The following KPNA3 variants were observed in gnomAD, a reference collection of about 807,000 sequenced individuals.
KPNA3 encodes karyopherin subunit alpha 3.
KPNA3 carries 13 observed loss-of-function variants against 73.8 expected under a neutral mutation model. The ratio of observed to expected loss-of-function variants is 0.18; its 90% CI spans 0.11 to 0.28. The LOEUF is 0.28. KPNA3 is among the 10% of genes least tolerant of loss of function. KPNA3 has a pLI of 1.00. For missense variants in KPNA3, 360 were observed against 618.1 expected, an observed-to-expected ratio of 0.58 and a Z score of 4.43; for synonymous variants, 186 against 206.9, an observed-to-expected ratio of 0.90 and a Z score of 0.87.
chr13:49,751,568 A>C (rs1422270633), intron 1 of KPNA3, among the ~76,000 whole-genome samples: 1 of 152,154 alleles, frequency 6.6e-6, no homozygotes, highest in Non-Finnish European at 1.5e-5. Context: ...CCCCTGCCCC[A>C]CACAAAAAAT....
chr13:49,705,639 T>C lies in KPNA3; in HGVS notation c.1354A>G (p.Ile452Val), dbSNP rs553205303. Residue 452 changes from isoleucine (I) to valine (V), a missense_variant, in exon 15 of 17, where the codon ATA becomes GTA. Ile to Val is a conservative substitution (Grantham distance 29, BLOSUM62 3). Coordinates refer to ENST00000261667, the MANE Select transcript of KPNA3 (RefSeq NM_002267.4). The stretch of plus-strand genomic sequence containing the variant: ...CTCTTACCTCCACATTCCTCTATTA[T>C]TTCAGCTATTGTGCTTGCTTCATCA... ...AGDEASTIAEIIEECGGLEKI... is the reference protein window; with the variant it reads ...AGDEASTIAEVIEECGGLEKI... The C allele has an allele frequency of 2.5e-6, 4 of 1,614,062 alleles. No homozygotes were observed. The South Asian group carries it at 4.4e-5, about 18-fold the overall frequency.
At chr13:49,787,655 A>G (rs1293257265) in intron 1 of KPNA3, among the ~76,000 whole-genome samples, 1 of 149,028 alleles carries the variant, frequency 6.7e-6, no homozygotes, top group Admixed American at 6.7e-5. Flanking sequence ...TACAGGCATG[A>G]GCCACCAGGA....
intron 2 of KPNA3, among the ~76,000 whole-genome samples, chr13:49,739,317 A>G (rs571113517): frequency 8.9e-4 from 136 of 152,344 alleles, no homozygotes; most frequent in African/African-American, 3.2e-3. Flanking sequence ...TTTTGGGCTC[A>G]TTCTCAACCC....
intron 2 of KPNA3, among the ~76,000 whole-genome samples, chr13:49,742,819 G>C (rs1954584883): frequency 6.6e-6 from 1 of 152,112 alleles, no homozygotes; most frequent in South Asian, 2.1e-4. Context: ...TTTGGCACAA[G>C]CTCCCTAACT....
At chr13:49,706,523 T>C in intron 12 of KPNA3, 151 bp from the exon 13 acceptor site, 1 of 553,188 alleles carries the variant, frequency 1.8e-6, no homozygotes, top group Non-Finnish European at 3.1e-6. Flanking sequence ...AAATCTTCCA[T>C]TTTAAACAAG....
intron 2 of KPNA3, among the ~76,000 whole-genome samples, chr13:49,740,485 T>C (rs1484208104): frequency 6.6e-6 from 1 of 152,132 alleles, no homozygotes; most frequent in African/African-American, 2.4e-5. Context: ...GGTGGGTCTT[T>C]CCTGCGCTGT....
At chr13:49,778,926 G>A in intron 1 of KPNA3, among the ~76,000 whole-genome samples, 1 of 152,098 alleles carries the variant, frequency 6.6e-6, no homozygotes. Context: ...TGTTAAGTGT[G>A]TTATGATAAA....
chr13:49,791,900 C>A (rs1955036188), intron 1 of KPNA3, among the ~76,000 whole-genome samples: 1 of 152,234 alleles, frequency 6.6e-6, no homozygotes, highest in African/African-American at 2.4e-5. Flanking sequence ...AAGTCAGTTA[C>A]CCGGCTGGTC....
intron 1 of KPNA3, among the ~76,000 whole-genome samples, chr13:49,753,845 C>T (rs1566351511): frequency 6.6e-6 from 1 of 152,194 alleles, no homozygotes; most frequent in Non-Finnish European, 1.5e-5. Flanking sequence ...CCTCCCCGAC[C>T]CGCCATTCAT....
At chr13:49,726,067 C>T (rs1003943375) in intron 6 of KPNA3, among the ~76,000 whole-genome samples, 3 of 152,208 alleles carry the variant, frequency 2.0e-5, no homozygotes, top group Non-Finnish European at 4.4e-5. Context: ...TTCCTCTCCA[C>T]AGACACATCT....
chr13:49,764,048 C>G (rs942019058), intron 1 of KPNA3, among the ~76,000 whole-genome samples: 4 of 115,914 alleles, frequency 3.5e-5, no homozygotes, highest in Admixed American at 1.1e-4. Context: ...GCCTGGGTAA[C>G]AGAGAGAGAC....
chr13:49,790,141 G>A (rs994075646), intron 1 of KPNA3, among the ~76,000 whole-genome samples: 11 of 152,272 alleles, frequency 7.2e-5, no homozygotes, highest in East Asian at 1.9e-4. Flanking sequence ...TGAGTGACAT[G>A]CACAGGCTAC....
intron 1 of KPNA3, among the ~76,000 whole-genome samples, chr13:49,754,099 C>A (rs1473150756): frequency 6.6e-6 from 1 of 152,048 alleles, no homozygotes; most frequent in Non-Finnish European, 1.5e-5. Context: ...GAGTTCAAGA[C>A]CAGCTTGGCC....
At chr13:49,722,830 TA>T (rs10693298) in intron 7 of KPNA3, among the ~76,000 whole-genome samples, 156 of 79,630 alleles carry the variant, frequency 2.0e-3, no homozygotes, top group Non-Finnish European at 2.3e-3. Context: ...TATAATCCAT[TA>T]AAAAAAAAAA....
intron 15 of KPNA3, among the ~76,000 whole-genome samples, chr13:49,703,168 A>G (rs1594426298): frequency 7.9e-6 from 1 of 126,598 alleles, no homozygotes. Flanking sequence ...GCGCCTGGGC[A>G]TTTTTTCTTT....
intron 6 of KPNA3, 113 bp from the exon 7 acceptor site, chr13:49,725,614 G>T: frequency 8.2e-5 from 46 of 559,578 alleles, no homozygotes; most frequent in South Asian, 2.8e-4. Flanking sequence ...ATTTCACCTT[G>T]TTATAATCCA....
chr13:49,736,541 G>A (rs1042497183), intron 2 of KPNA3, among the ~76,000 whole-genome samples: 1 of 152,114 alleles, frequency 6.6e-6, no homozygotes, highest in Admixed American at 6.5e-5. Flanking sequence ...TTCACATGCA[G>A]TTATAAGAAT....
chr13:49,715,489 A>T (rs923668703), intron 10 of KPNA3, among the ~76,000 whole-genome samples: 3 of 152,254 alleles, frequency 2.0e-5, no homozygotes, highest in African/African-American at 7.2e-5. Context: ...CAAAAATTTT[A>T]AATGTGACAA....
chr13:49,760,989 G>A (rs1362277603), intron 1 of KPNA3, among the ~76,000 whole-genome samples: 3 of 151,948 alleles, frequency 2.0e-5, no homozygotes. Context: ...GTGTGATAAT[G>A]GTATCGTGTT....
Sources: gnomAD v4.1 joint callset for allele counts (sites outside exome capture counted in the v4.1 genomes callset) on GRCh38, gnomAD v4.1.1 for gene constraint, MANE v1.5 for transcripts, NCBI Gene and HGNC (gene_info 2026-07-23, HGNC 2026-07-21) for gene names.